SESN3: variants seen among roughly 807,000 people sequenced by gnomAD.
SESN3 encodes the protein sestrin 3.
A neutral mutation model predicts 55.3 loss-of-function variants in SESN3; 21 were observed. That is an observed-to-expected ratio of 0.38 (90% CI 0.27 to 0.55). SESN3 has a LOEUF of 0.55. SESN3 is among the 20% of genes least tolerant of loss of function. The probability of loss-of-function intolerance (pLI) is 0.76; values close to 1 mark genes in which losing one functional copy is unlikely to be tolerated. For synonymous variants in SESN3, 181 were observed against 203.1 expected (o/e 0.89, Z 0.93); for missense variants, 408 against 604.3 (o/e 0.68, Z 3.41).
intron 1 of SESN3, among the ~76,000 whole-genome samples, chr11:95,200,009 C>G (rs1338192284): frequency 6.6e-6 from 1 of 151,856 alleles, no homozygotes; most frequent in Non-Finnish European, 1.5e-5. Context: ...GACAAAATGT[C>G]TTAAATACAA....
chr11:95,208,393 G>A (rs1001293401), intron 1 of SESN3, among the ~76,000 whole-genome samples: 1 of 151,402 alleles, frequency 6.6e-6, no homozygotes, highest in Non-Finnish European at 1.5e-5. Context: ...AAATACAGCT[G>A]TTCCTTCCCA....
chr11:95,180,231 A>G (rs1403482879), intron 6 of SESN3, among the ~76,000 whole-genome samples: 4 of 152,208 alleles, frequency 2.6e-5, no homozygotes, highest in Admixed American at 2.6e-4. Context: ...AAGACAAACT[A>G]TAATTCTTAA....
rs1859816987 is a variant in SESN3 at position 95,169,813 on chromosome 11, T to G, written c.*3442A>C. ...TTTATAAGGGGGAAAAGGAAAAAGT[T>G]GCTCTGGAATAATAATTAGCTTTTA... is the stretch of plus-strand genomic sequence containing the variant. On this transcript the variant is annotated 3_prime_UTR_variant, in exon 10 of 10. Coordinates refer to ENST00000536441, the MANE Select transcript of SESN3 (RefSeq NM_144665.4). 6.6e-6 allele frequency: 1 copy of G among 152,172 alleles called. No homozygotes were observed. Among genetic ancestry groups the G allele is most frequent in the African/African-American group, 2.4e-5 (1 of 41,460 alleles). The allele number at this position is 152,172 out of a possible 1,614,324, so 9.4% of individuals were successfully genotyped here. A position where few individuals can be genotyped will look rare whatever the true frequency, so the allele number is the denominator to read the frequency against.
At chr11:95,178,938 T>C in intron 6 of SESN3, 110 bp from the exon 7 acceptor site, 1 of 638,412 alleles carries the variant, frequency 1.6e-6, no homozygotes, top group East Asian at 2.6e-5. Context: ...ATTTCTAAAG[T>C]GAAAACATGG....
In SESN3 at chr11:95,167,477, T is replaced by A. The variant is rs1028194580; in HGVS notation, c.*5778A>T. 6.6e-6 allele frequency: 1 copy of A among 150,554 alleles called. No individual in the cohort carries two copies. Among genetic ancestry groups the A allele is most frequent in the Non-Finnish European group, 1.5e-5 (1 of 67,988 alleles). The allele number at this position is 150,554 out of a possible 1,614,324, so 9.3% of individuals were successfully genotyped here. A position where few individuals can be genotyped will look rare whatever the true frequency, so the allele number is the denominator to read the frequency against. ...AGATATTCATTCTGTTTCCCCCCCA[T>A]ATATATAATTTTTCATTCTGTACTT... On this transcript the variant is annotated 3_prime_UTR_variant, in exon 10 of 10. Transcript: ENST00000536441.
Position 95,189,970 on chromosome 11 carries a change from C to T in SESN3, c.343-9G>A. ...TGATGTCTAGCTGCAGCCTAAAGCA[C>T]AAAGAAAAAAATTCATTGATAAAAG... On this transcript the variant is annotated splice_polypyrimidine_tract_variant and intron_variant, in intron 3 of 9. Transcript: ENST00000536441. The T allele has an allele frequency of 6.4e-7, 1 of 1,566,148 alleles. No homozygotes were observed. The highest frequency in any genetic ancestry group is 8.6e-7 in the Non-Finnish European group (1 of 1,160,500).
intron 7 of SESN3, 114 bp downstream of exon 7, chr11:95,178,596 C>G: frequency 1.5e-6 from 1 of 676,586 alleles, no homozygotes; most frequent in South Asian, 1.8e-5. Context: ...AGGTTAAATA[C>G]AAAGATTTAT....
rs377762563 is a variant in SESN3, at chr11:95,185,252, T to C, written c.762+4A>G. On this transcript the variant is annotated splice_donor_region_variant and intron_variant, in intron 5 of 9. Coordinates refer to ENST00000536441, the MANE Select transcript of SESN3 (RefSeq NM_144665.4). ...AGTAAAGAAAAATAGCTAAGAAAAC[T>C]AACCCCAAAGTTGCTGCCTGAAAGA... The C allele has an allele frequency of 3.8e-5, 59 of 1,562,614 alleles. No individual in the cohort carries two copies. The African/African-American group carries it at 7.7e-4, about 21-fold the overall frequency.
intron 6 of SESN3, among the ~76,000 whole-genome samples, chr11:95,183,195 G>T (rs1251796710): frequency 6.6e-6 from 1 of 152,100 alleles, no homozygotes; most frequent in African/African-American, 2.4e-5. Flanking sequence ...TGTTTGCAGA[G>T]TGAATATTAA....
intron 4 of SESN3, among the ~76,000 whole-genome samples, 160 bp downstream of exon 4, chr11:95,189,619 G>A (rs112313170): frequency 2.0e-5 from 3 of 151,956 alleles, no homozygotes; most frequent in African/African-American, 7.2e-5. Context: ...CACTTAAAGA[G>A]GAGAAGTATT....
intron 4 of SESN3, among the ~76,000 whole-genome samples, chr11:95,188,733 AT>A (rs989687838): frequency 6.6e-6 from 1 of 151,864 alleles, no homozygotes; most frequent in Non-Finnish European, 1.5e-5. Context: ...TTATTCATAC[AT>A]TCATACACTG....
At chr11:95,222,951 T>C (rs958706775) in intron 1 of SESN3, among the ~76,000 whole-genome samples, 7 of 152,328 alleles carry the variant, frequency 4.6e-5, no homozygotes, top group Admixed American at 2.6e-4. Flanking sequence ...TTACTTTATA[T>C]AGTGAATTCC....
In SESN3 at chr11:95,186,210, G is replaced by GTGTGTGTGTGTC. The variant is rs1860162422; in HGVS notation, c.526-719_526-718insGACACACACACA. On this transcript the variant is annotated intron_variant, in intron 4 of 9. Coordinates refer to ENST00000536441, the MANE Select transcript of SESN3 (RefSeq NM_144665.4). ...TATCTCTCACTGTGTGTGTGTGTGT[G>GTGTGTGTGTGTC]TGTGTGTGTGTGTGTGTGTGTGTGT... Among the ~76,000 whole-genome samples the GTGTGTGTGTGTC allele has an allele frequency of 2.0e-5, 3 of 148,768 alleles. No individual in the cohort carries two copies. The East Asian group carries it at 6.0e-4, about 30-fold the overall frequency.
intron 7 of SESN3, 63 bp downstream of exon 7, chr11:95,178,647 T>C (rs764043335): frequency 5.8e-6 from 6 of 1,028,222 alleles, no homozygotes; most frequent in Non-Finnish European, 9.1e-6. Flanking sequence ...TTTTAAAATT[T>C]AAACACTTAA....
chr11:95,221,203 C>T (rs918951427), intron 1 of SESN3, among the ~76,000 whole-genome samples: 8 of 152,032 alleles, frequency 5.3e-5, no homozygotes, highest in African/African-American at 1.7e-4. Context: ...ACTTAGGAGG[C>T]TGAGGCAGGA....
At chr11:95,202,823 A>G (rs796953942) in intron 1 of SESN3, among the ~76,000 whole-genome samples, 24 of 152,100 alleles carry the variant, frequency 1.6e-4, no homozygotes, top group African/African-American at 5.3e-4. Context: ...AAAAGTATTA[A>G]GAAGGTCTTT....
At chr11:95,186,194 CTGTGTGTGTGTGTGTGTGTGTGTGTGTG>C (rs35466696) in intron 4 of SESN3, among the ~76,000 whole-genome samples, 2 of 107,552 alleles carry the variant, frequency 1.9e-5, no homozygotes, top group African/African-American at 3.6e-5. Context: ...CTATCTCTCA[CTGTGTGTGTGTGTGTGTGTGTGTGTGTG>C]TGTGTGTGTG....
At chr11:95,181,648 A>G (rs1006324998) in intron 6 of SESN3, among the ~76,000 whole-genome samples, 2 of 152,096 alleles carry the variant, frequency 1.3e-5, no homozygotes, top group Admixed American at 6.5e-5. Context: ...AAGCTAGTTA[A>G]CCCTGTTACC....
At chr11:95,205,889 T>G (rs977343684) in intron 1 of SESN3, among the ~76,000 whole-genome samples, 10 of 151,940 alleles carry the variant, frequency 6.6e-5, no homozygotes, top group Non-Finnish European at 1.2e-4. Context: ...ATTTTATCCT[T>G]AGTTTATTGA....
Sources: allele counts gnomAD v4.1 joint callset (sites outside exome capture counted in the v4.1 genomes callset), GRCh38; gene constraint gnomAD v4.1.1; transcripts MANE v1.5; gene names NCBI Gene and HGNC (gene_info 2026-07-23, HGNC 2026-07-21).